The following CEP152 variants were observed in gnomAD, a reference collection of about 807,000 sequenced individuals.
The protein encoded by CEP152 is centrosomal protein of 152 kDa.
Under a neutral mutation model 188.9 loss-of-function variants are expected in CEP152, and 132 were observed. The observed-to-expected ratio is 0.70, with a 90% CI of 0.61 to 0.81. CEP152 has a LOEUF of 0.81. Ranked by LOEUF, CEP152 falls within the 30% of genes least tolerant of loss-of-function variation. The pLI is 0.00. For missense variants in CEP152, 1,914 were observed against 1,969.8 expected (o/e 0.97, Z 0.54); for synonymous variants, 649 against 666.6 (o/e 0.97, Z 0.41).
At chr15:48,799,577 C>T (rs377363700) in intron 2 of CEP152, among the ~76,000 whole-genome samples, 3 of 152,054 alleles carry the variant, frequency 2.0e-5, no homozygotes, top group Non-Finnish European at 2.9e-5. Flanking sequence ...AATCTTTTAA[C>T]GCTAACATTA....
chr15:48,800,841 T>G (rs1595701515), intron 2 of CEP152, among the ~76,000 whole-genome samples: 1 of 152,292 alleles, frequency 6.6e-6, no homozygotes, highest in East Asian at 1.9e-4. Context: ...CTACTTCATG[T>G]TTCTTTCTTA....
At chr15:48,793,659 T>C (rs1331799535) in intron 6 of CEP152, among the ~76,000 whole-genome samples, 198 bp from the exon 7 acceptor site, 2 of 152,204 alleles carry the variant, frequency 1.3e-5, no homozygotes, top group African/African-American at 2.4e-5. Flanking sequence ...TCTTATTTTG[T>C]GAAACTTGTT....
At chr15:48,735,517 T>G (rs1426755962), downstream of CEP152, among the ~76,000 whole-genome samples, 1 of 152,054 alleles carries the variant, frequency 6.6e-6, no homozygotes, top group Non-Finnish European at 1.5e-5. Flanking sequence ...GGCGGATCAC[T>G]TGAGGTCAGG....
intron 19 of CEP152, 125 bp from the exon 20 acceptor site, chr15:48,756,678 CAT>C: frequency 1.1e-6 from 1 of 876,770 alleles, no homozygotes; most frequent in African/African-American, 1.7e-5. Context: ...TAAAAGGAAA[CAT>C]GATTTTAGAT....
At chr15:48,737,145 C>T (rs1187629214), downstream of CEP152, among the ~76,000 whole-genome samples, 5 of 152,106 alleles carry the variant, frequency 3.3e-5, no homozygotes, top group Non-Finnish European at 7.4e-5. Flanking sequence ...CTTCTCGGTT[C>T]TTGCTTTTAG....
intron 24 of CEP152, among the ~76,000 whole-genome samples, 161 bp from the exon 25 acceptor site, chr15:48,742,261 T>A (rs1340232212): frequency 6.6e-6 from 1 of 152,198 alleles, no homozygotes; most frequent in Admixed American, 6.5e-5. Context: ...ATATTTTAGA[T>A]CATCATTTTG....
At chr15:48,810,080 T>C (rs1359444008) in intron 1 of CEP152, 1 of 152,220 alleles carries the variant, frequency 6.6e-6, no homozygotes, top group African/African-American at 2.4e-5. Flanking sequence ...TGCATGTTCA[T>C]TGTCACGCAC....
intron 2 of CEP152, among the ~76,000 whole-genome samples, chr15:48,801,302 A>G (rs765838203): frequency 5.1e-4 from 77 of 152,218 alleles, no homozygotes; most frequent in Non-Finnish European, 1.0e-4. Flanking sequence ...ATTACATCAA[A>G]CAAGGCAGTT....
In CEP152 at chr15:48,756,462, T is replaced by C; in HGVS notation, c.2786A>G (p.Glu929Gly). Residue 929 changes from glutamate to glycine, a missense_variant, in exon 20 of 27, where the codon GAG becomes GGG. Transcript: ENST00000380950. ...KNILPGKELE[E>G]KIHSLQKELE... ...TTCCTTCTGAAGAGAATGAATCTTC[T>C]CTTCCAATTCCTTTCCAGGAAGTAT... 6.2e-7 allele frequency: 1 copy of C among 1,613,672 alleles called. No individual in the cohort carries two copies. The highest frequency in any genetic ancestry group is 8.5e-7 in the Non-Finnish European group (1 of 1,179,900).
rs569164487 is a variant in CEP152 at position 48,738,038 on chromosome 15, C to G, written c.*211G>C. On this transcript the variant is annotated 3_prime_UTR_variant, in exon 27 of 27. Transcript: ENST00000380950. The stretch of plus-strand genomic sequence containing the variant: ...GTTTAGAAACCAAAAATAAGCACCA[C>G]ACAAAAGCAGATTATACATACACCA... 1.8e-6 allele frequency: 1 copy of G among 556,172 alleles called. No individual in the cohort carries two copies. Among genetic ancestry groups the G allele is most frequent in the East Asian group, 3.2e-5 (1 of 31,530 alleles). The allele number at this position is 556,172 out of a possible 1,614,324, so 34.5% of individuals were successfully genotyped here.
chr15:48,785,911 A>G (rs983153525), intron 9 of CEP152, among the ~76,000 whole-genome samples: 2 of 138,474 alleles, frequency 1.4e-5, no homozygotes, highest in Non-Finnish European at 3.0e-5. Flanking sequence ...ATCTCAAAAA[A>G]AAAAAAAAAG....
Position 48,769,020 on chromosome 15 carries a change from T to G in CEP152, c.1844A>C (p.Asp615Ala). ...CAGCAGAATATCATCTCTGACAACA[T>G]CAGAAGTAGAAGACTCAGGCCATAA... ...NQLWPESSTSDVVRDDILLLK... is the reference protein window; with the variant it reads ...NQLWPESSTSAVVRDDILLLK... Residue 615 changes from aspartate to alanine, a missense_variant, in exon 14 of 27, where the codon GAT becomes GCT. Transcript: ENST00000380950. The G allele has an allele frequency of 6.2e-7, 1 of 1,600,926 alleles. No individual in the cohort carries two copies. The highest frequency in any genetic ancestry group is 8.6e-7 in the Non-Finnish European group (1 of 1,168,704).
Position 48,767,132 on chromosome 15 carries a change from C to T in CEP152, c.2208G>A (p.Val736=). The change falls in exon 17 of 27, where the codon GTG becomes GTA. Residue 736 remains valine (V), a synonymous_variant. Coordinates refer to ENST00000380950, the MANE Select transcript of CEP152 (RefSeq NM_001194998.2). ...VTAVQECYLE[V]CREKDNLELT... ...ATTCTAGATTATCCTTCTCTCTGCA[C>T]ACTTCTAGGTAACATTCCTGCACAG... is the stretch of plus-strand genomic sequence containing the variant. The T allele has an allele frequency of 6.2e-7, 1 of 1,613,768 alleles. No homozygotes were observed. The highest frequency in any genetic ancestry group is 8.5e-7 in the Non-Finnish European group (1 of 1,180,010).
intron 10 of CEP152, 123 bp downstream of exon 10, chr15:48,783,850 G>T (rs1290104058): frequency 8.4e-6 from 6 of 710,844 alleles, no homozygotes; most frequent in Non-Finnish European, 1.3e-5. Context: ...TTTTTTTAAA[G>T]AAATTTATTG....
intron 21 of CEP152, among the ~76,000 whole-genome samples, chr15:48,750,486 C>T (rs563274905): frequency 3.0e-4 from 45 of 152,120 alleles, no homozygotes; most frequent in Non-Finnish European, 4.7e-4. Context: ...TTAAGTGGTG[C>T]CATTTATGTT....
At chr15:48,782,435 A>T (rs1449180454) in intron 10 of CEP152, among the ~76,000 whole-genome samples, 1 of 152,192 alleles carries the variant, frequency 6.6e-6, no homozygotes, top group Non-Finnish European at 1.5e-5. Context: ...GGCATCCCAT[A>T]TGACCTTGGG....
chr15:48,762,676 T>C lies in CEP152; in HGVS notation c.2281-4A>G, dbSNP rs766025909. 3.1e-6 allele frequency: 5 copies of C among 1,613,050 alleles called. No individual in the cohort carries two copies. Among genetic ancestry groups the C allele is most frequent in the Non-Finnish European group, 4.2e-6 (5 of 1,179,860 alleles). ...GTTGAATGAGTTTTTCTTTGATCTG[T>C]TTTCAGAAGAAAAATCATACGAGAA... On this transcript the variant is annotated splice_region_variant and splice_polypyrimidine_tract_variant and intron_variant, in intron 17 of 26. Coordinates refer to ENST00000380950, the MANE Select transcript of CEP152 (RefSeq NM_001194998.2).
intron 19 of CEP152, among the ~76,000 whole-genome samples, chr15:48,758,960 T>G (rs1894478426): frequency 6.6e-6 from 1 of 152,128 alleles, no homozygotes; most frequent in African/African-American, 2.4e-5. Context: ...TTTTCTACAT[T>G]GTACTCAACT....
At position 48,767,329 on chromosome 15, in the gene CEP152, T is replaced by A. The variant is rs900130015; in HGVS notation, c.2147+6A>T. On this transcript the variant is annotated splice_donor_region_variant and intron_variant, in intron 16 of 26. Coordinates refer to ENST00000380950, the MANE Select transcript of CEP152 (RefSeq NM_001194998.2). ...CTTAAAAGGCAGCTAAACTCTTTAT[T>A]CTCACCTCAGTTGCAAATGAGTTCT... The A allele has an allele frequency of 2.5e-6, 4 of 1,614,082 alleles. No individual in the cohort carries two copies. Among genetic ancestry groups the A allele is most frequent in the African/African-American group, 1.3e-5 (1 of 74,950 alleles).
Sources: allele counts gnomAD v4.1 joint callset (sites outside exome capture counted in the v4.1 genomes callset), GRCh38; gene constraint gnomAD v4.1.1; transcripts MANE v1.5; gene names NCBI Gene and HGNC (gene_info 2026-07-23, HGNC 2026-07-21).